The following NMNAT2 variants were observed in gnomAD, a reference collection of about 807,000 sequenced individuals.
NMNAT2 encodes the protein nicotinamide nucleotide adenylyltransferase 2, also known as nicotinamide/nicotinic acid mononucleotide adenylyltransferase 2.
NMNAT2 carries 11 observed loss-of-function variants against 41.6 expected under a neutral mutation model. The observed-to-expected ratio is 0.26, with a 90% CI of 0.17 to 0.44. The LOEUF is 0.44. Ranked by LOEUF, NMNAT2 falls within the 20% of genes least tolerant of loss-of-function variation. NMNAT2 has a pLI of 1.00. For missense variants in NMNAT2, 288 were observed against 407.7 expected (o/e 0.71, Z 2.53); for synonymous variants, 148 against 151.2 (o/e 0.98, Z 0.16).
In NMNAT2 at chr1:183,290,123, C is replaced by A; in HGVS notation, c.321+5G>T. ...TCACGCATCCCCAGGCTTGGCCCAGCTCACCTTCATGAGGTCCCGGTGGTG... is the reference window on the plus strand; with the variant it reads ...TCACGCATCCCCAGGCTTGGCCCAGATCACCTTCATGAGGTCCCGGTGGTG... On this transcript the variant is annotated splice_donor_5th_base_variant and intron_variant, in intron 4 of 10. Coordinates refer to ENST00000287713, the MANE Select transcript of NMNAT2 (RefSeq NM_015039.4). 1 of 1,570,990 alleles carries A rather than the reference C, an allele frequency of 6.4e-7. No homozygotes were observed. Among genetic ancestry groups the A allele is most frequent in the Non-Finnish European group, 8.6e-7 (1 of 1,156,840 alleles).
intron 1 of NMNAT2, among the ~76,000 whole-genome samples, chr1:183,294,424 G>A (rs542564177): frequency 3.9e-5 from 6 of 152,162 alleles, no homozygotes; most frequent in Middle Eastern, 6.8e-3. Flanking sequence ...TTTTATTTTC[G>A]CAATAAATTT....
In NMNAT2 at chr1:183,280,594, G is replaced by A. The variant is rs528306635; in HGVS notation, c.575-1965C>T. 1.1e-4 allele frequency among the ~76,000 whole-genome samples: 16 copies of A among 151,646 alleles called. 1 individual carries two copies. The highest frequency in any genetic ancestry group is 3.4e-3 in the Middle Eastern group (1 of 294). On this transcript the variant is annotated intron_variant, in intron 7 of 10. Transcript: ENST00000287713. ...GTAGAGAGGGGGTTTCACCATGTTG[G>A]CCAGGCAGTTCTCAAACTCCTGACC...
intron 1 of NMNAT2, among the ~76,000 whole-genome samples, chr1:183,327,243 T>C (rs1031299678): frequency 4.6e-5 from 7 of 152,020 alleles, no homozygotes; most frequent in African/African-American, 1.7e-4. Context: ...TAGAGACAGC[T>C]GGTCTCTACT....
At chr1:183,309,308 G>A (rs1480687212) in intron 1 of NMNAT2, among the ~76,000 whole-genome samples, 1 of 152,210 alleles carries the variant, frequency 6.6e-6, no homozygotes, top group Non-Finnish European at 1.5e-5. Flanking sequence ...CCTTTGGAGG[G>A]TCTTAAGCAG....
intron 1 of NMNAT2, among the ~76,000 whole-genome samples, chr1:183,326,707 AAAGCACCCTGGGCTGTGAGGAG>A (rs772945519): frequency 2.0e-5 from 3 of 152,210 alleles, no homozygotes; most frequent in Non-Finnish European, 2.9e-5. Context: ...TTACTCATGA[AAAGCACCCTGGGCTGTGAGGAG>A]AATGGATTGA....
chr1:183,342,021 C>G (rs1662829021), intron 1 of NMNAT2, among the ~76,000 whole-genome samples: 1 of 106,392 alleles, frequency 9.4e-6, no homozygotes, highest in East Asian at 3.7e-4. Flanking sequence ...TCCTTCCTCA[C>G]CTTTTTTTTT....
chr1:183,285,595 T>A (rs1661380901), intron 5 of NMNAT2, among the ~76,000 whole-genome samples: 1 of 152,206 alleles, frequency 6.6e-6, no homozygotes, highest in Admixed American at 6.6e-5. Context: ...TATAATAGCT[T>A]ATGGTCTCCA....
At chr1:183,343,680 A>G (rs1035116301) in intron 1 of NMNAT2, among the ~76,000 whole-genome samples, 1 of 152,186 alleles carries the variant, frequency 6.6e-6, no homozygotes. Flanking sequence ...AGATTTTTGA[A>G]AAAGTCTCTT....
chr1:183,256,201 T>C (rs1571553414), intron 10 of NMNAT2, among the ~76,000 whole-genome samples: 2 of 151,860 alleles, frequency 1.3e-5, no homozygotes, highest in South Asian at 4.2e-4. Context: ...AGGTCAGGCG[T>C]TCGAGCCCAG....
intron 1 of NMNAT2, among the ~76,000 whole-genome samples, chr1:183,376,918 T>A (rs1345716629): frequency 1.3e-5 from 2 of 152,026 alleles, no homozygotes; most frequent in East Asian, 3.9e-4. Flanking sequence ...AAAAATAAGG[T>A]TCTCCTTGTG....
intron 1 of NMNAT2, among the ~76,000 whole-genome samples, chr1:183,365,681 T>G (rs939580184): frequency 6.6e-6 from 1 of 151,842 alleles, no homozygotes; most frequent in Non-Finnish European, 1.5e-5. Context: ...GAGGTTGCAG[T>G]GAGCTGAGAT....
intron 1 of NMNAT2, among the ~76,000 whole-genome samples, chr1:183,367,150 CTT>C (rs951323818): frequency 6.6e-6 from 1 of 152,188 alleles, no homozygotes; most frequent in African/African-American, 2.4e-5. Context: ...CACATCCACA[CTT>C]TTCTCAGCTT....
intron 1 of NMNAT2, among the ~76,000 whole-genome samples, chr1:183,382,387 CT>C (rs1427945347): frequency 1.1e-4 from 16 of 152,074 alleles, no homozygotes; most frequent in African/African-American, 3.4e-4. Context: ...TTTTCCACCC[CT>C]GTCCCCTCCC....
chr1:183,320,369 A>G (rs1662334054), intron 1 of NMNAT2, among the ~76,000 whole-genome samples: 1 of 152,132 alleles, frequency 6.6e-6, no homozygotes, highest in African/African-American at 2.4e-5. Context: ...TTGGGAGGCC[A>G]AGGTGGGCAG....
At chr1:183,354,793 C>T (rs1018392423) in intron 1 of NMNAT2, among the ~76,000 whole-genome samples, 4 of 152,122 alleles carry the variant, frequency 2.6e-5, no homozygotes, top group Admixed American at 1.3e-4. Context: ...AAACAATATC[C>T]CAGAGTTACC....
chr1:183,312,621 G>C (rs946873864), intron 1 of NMNAT2, among the ~76,000 whole-genome samples: 5 of 150,782 alleles, frequency 3.3e-5, no homozygotes, highest in African/African-American at 1.2e-4. Context: ...TCTTTTTTCA[G>C]TTGAAGAAAG....
intron 1 of NMNAT2, among the ~76,000 whole-genome samples, chr1:183,404,347 C>T (rs1482528307): frequency 6.6e-6 from 1 of 152,184 alleles, no homozygotes; most frequent in Non-Finnish European, 1.5e-5. Flanking sequence ...GCGTTGGCCT[C>T]CCAAAGTGCT....
chr1:183,304,518 A>C (rs1375134542), intron 1 of NMNAT2: 1 of 654,898 alleles, frequency 1.5e-6, no homozygotes, highest in Non-Finnish European at 2.6e-6. Context: ...GCATATAGGG[A>C]TCAGGCTGAT....
intron 1 of NMNAT2, among the ~76,000 whole-genome samples, chr1:183,378,946 G>A (rs1226030704): frequency 6.6e-6 from 1 of 152,232 alleles, no homozygotes; most frequent in East Asian, 1.9e-4. Flanking sequence ...GGGAGGCTGA[G>A]GCAGGAGAAT....
Sources: gnomAD v4.1 joint callset for allele counts (sites outside exome capture counted in the v4.1 genomes callset) on GRCh38, gnomAD v4.1.1 for gene constraint, MANE v1.5 for transcripts, NCBI Gene and HGNC (gene_info 2026-07-23, HGNC 2026-07-21) for gene names.